The following GLB1 variants were observed in gnomAD, a reference collection of about 807,000 sequenced individuals.
The protein encoded by GLB1 is beta-galactosidase.
Under a neutral mutation model 74.0 loss-of-function variants are expected in GLB1, and 56 were observed. The ratio of observed to expected loss-of-function variants is 0.76; its 90% CI spans 0.61 to 0.94. The LOEUF is 0.94. Among genes scored for constraint, GLB1 ranks in the 40% least tolerant of loss-of-function variants. The pLI is 0.00. For missense variants in GLB1, 787 were observed against 845.5 expected, an observed-to-expected ratio of 0.93 and a Z score of 0.86; for synonymous variants, 323 against 323.6, an observed-to-expected ratio of 1.00 and a Z score of 0.02.
chr3:33,087,614 C>T (rs1700571924), intron 1 of GLB1, among the ~76,000 whole-genome samples: 1 of 150,528 alleles, frequency 6.6e-6, no homozygotes, highest in Admixed American at 6.6e-5. Context: ...CACACACACA[C>T]ACACACACAC....
chr3:33,092,219 C>T, intron 1 of GLB1: 1 of 985,714 alleles, frequency 1.0e-6, no homozygotes, highest in Non-Finnish European at 1.2e-6. Context: ...TCCCTCAAGG[C>T]CTGGAACAGG....
chr3:32,970,196 C>G, the GLB1 span, among the ~76,000 whole-genome samples: 13 of 152,144 alleles, frequency 8.5e-5, no homozygotes, highest in Admixed American at 7.9e-4. Flanking sequence ...TTACAGACAG[C>G]CTACAGGCTG....
In GLB1 at chr3:33,000,915, C is replaced by G. The variant is rs1696533050; in HGVS notation, c.1735-3571G>C. On this transcript the variant is annotated intron_variant, in intron 15 of 15. Coordinates refer to ENST00000307363, the MANE Select transcript of GLB1 (RefSeq NM_000404.4). ...CATAAATCAATGTTGTCTTAGACTG[C>G]TGCAGCCTCCTCACAGTCTCTTGAC... Among the ~76,000 whole-genome samples, 2 of 152,166 alleles carry G rather than the reference C, an allele frequency of 1.3e-5. 1 individual carries two copies. The highest frequency in any genetic ancestry group is 4.1e-4 in the South Asian group (2 of 4,822).
At chr3:33,027,405 G>A (rs1157459980) in intron 10 of GLB1, among the ~76,000 whole-genome samples, 3 of 152,252 alleles carry the variant, frequency 2.0e-5, no homozygotes, top group East Asian at 1.9e-4. Context: ...AGCATGAACC[G>A]AGTGCAGCCT....
the GLB1 span, among the ~76,000 whole-genome samples, chr3:32,978,388 C>A: frequency 8.0e-5 from 12 of 149,606 alleles, no homozygotes; most frequent in African/African-American, 1.5e-4. Context: ...AATTAAAAAA[C>A]AAAAAAAAAA....
intron 13 of GLB1, 47 bp downstream of exon 13, chr3:33,018,401 C>G (rs768224891): frequency 2.5e-6 from 4 of 1,582,730 alleles, no homozygotes; most frequent in Admixed American, 1.7e-5. Flanking sequence ...GGCTGCTCAT[C>G]CCCACCCTCA....
chr3:33,004,461 A>G (rs1196920942), intron 15 of GLB1, among the ~76,000 whole-genome samples: 1 of 152,342 alleles, frequency 6.6e-6, no homozygotes, highest in African/African-American at 2.4e-5. Context: ...GAAGGTGCCT[A>G]AGCATGCTAC....
At chr3:33,061,586 C>T (rs1000240486) in intron 5 of GLB1, 5 of 152,164 alleles carry the variant, frequency 3.3e-5, no homozygotes, top group Non-Finnish European at 7.3e-5. Context: ...TAGGTGGCAG[C>T]CATAATTTGC....
intron 5 of GLB1, among the ~76,000 whole-genome samples, chr3:33,062,801 TAAC>T (rs1699499028): frequency 6.6e-6 from 1 of 151,958 alleles, no homozygotes; most frequent in East Asian, 1.9e-4. Flanking sequence ...ACAAAAACAA[TAAC>T]AACAACGAAA....
At chr3:33,032,899 T>C (rs1210251446) in intron 10 of GLB1, among the ~76,000 whole-genome samples, 4 of 152,236 alleles carry the variant, frequency 2.6e-5, no homozygotes, top group Non-Finnish European at 5.9e-5. Flanking sequence ...AATTTGACCA[T>C]AACAAGCTAA....
the GLB1 span, among the ~76,000 whole-genome samples, chr3:32,979,938 A>G: frequency 3.9e-4 from 60 of 152,122 alleles, no homozygotes; most frequent in African/African-American, 1.4e-3. Flanking sequence ...TAAAAATTTT[A>G]ATTGACACAT....
At chr3:33,050,027 C>T (rs1698910856) in intron 9 of GLB1, among the ~76,000 whole-genome samples, 2 of 152,286 alleles carry the variant, frequency 1.3e-5, no homozygotes, top group Non-Finnish European at 2.9e-5. Flanking sequence ...CAAAACTCAA[C>T]AGCTGGGCAT....
chr3:32,993,627 C>T (rs918827544), downstream of GLB1, among the ~76,000 whole-genome samples: 20 of 151,100 alleles, frequency 1.3e-4, no homozygotes, highest in Admixed American at 2.6e-4. Context: ...CTCCGCCTCC[C>T]GCTTTCAGGC....
intron 14 of GLB1, among the ~76,000 whole-genome samples, chr3:33,015,420 G>T (rs996179109): frequency 2.6e-5 from 4 of 152,188 alleles, no homozygotes; most frequent in African/African-American, 9.6e-5. Flanking sequence ...GAATTCAGAA[G>T]CTGCTCTATT....
the GLB1 span, among the ~76,000 whole-genome samples, chr3:32,975,135 G>A: frequency 1.3e-5 from 2 of 152,142 alleles, no homozygotes; most frequent in African/African-American, 4.8e-5. Flanking sequence ...AGGCTGGAGT[G>A]CAGTGGCATG....
At chr3:33,050,750 T>C (rs1342077240) in intron 9 of GLB1, among the ~76,000 whole-genome samples, 2 of 152,216 alleles carry the variant, frequency 1.3e-5, no homozygotes, top group Non-Finnish European at 2.9e-5. Context: ...CACTGCATCA[T>C]ATACTTAAAA....
At chr3:32,971,315 T>C in the GLB1 span, among the ~76,000 whole-genome samples, 2 of 152,202 alleles carry the variant, frequency 1.3e-5, no homozygotes, top group African/African-American at 2.4e-5. Flanking sequence ...CTACTAATTG[T>C]CAAAAAGACT....
intron 6 of GLB1, among the ~76,000 whole-genome samples, chr3:33,057,617 CA>C (rs1418014459): frequency 2.0e-5 from 3 of 152,214 alleles, no homozygotes; most frequent in Non-Finnish European, 4.4e-5. Context: ...AGAAAGACAA[CA>C]AAGCATAAGG....
intron 7 of GLB1, chr3:33,052,716 G>C (rs72856115): frequency 2.0e-5 from 3 of 153,144 alleles, no homozygotes; most frequent in African/African-American, 4.8e-5. Flanking sequence ...AACGAGGAAG[G>C]CTTGTCCCAG....
Sources: gnomAD v4.1 joint callset for allele counts (sites outside exome capture counted in the v4.1 genomes callset) on GRCh38, gnomAD v4.1.1 for gene constraint, MANE v1.5 for transcripts, NCBI Gene and HGNC (gene_info 2026-07-23, HGNC 2026-07-21) for gene names.